Variants in SYAP1 observed in about 807,000 individuals in gnomAD.
SYAP1 encodes synapse-associated protein 1.
SYAP1 carries 3 observed loss-of-function variants against 29.6 expected under a neutral mutation model. The ratio of observed to expected loss-of-function variants is 0.10; its 90% CI spans 0.05 to 0.26. The LOEUF is 0.26. Among genes scored for constraint, SYAP1 ranks in the 10% least tolerant of loss-of-function variants. The pLI, the probability that SYAP1 is intolerant of heterozygous loss-of-function variation, is 1.00. For missense variants in SYAP1, 217 were observed against 264.1 expected (o/e 0.82, Z 1.24); for synonymous variants, 102 against 102.7 (o/e 0.99, Z 0.04).
At chrX:16,723,780 T>C (rs1297201365) in intron 1 of SYAP1, among the ~76,000 whole-genome samples, 1 of 112,065 alleles carries the variant, frequency 8.9e-6, no homozygotes, top group East Asian at 2.8e-4. Flanking sequence ...ATTTATGTTT[T>C]TTCTGACCTT....
rs1275157352 is a variant in SYAP1, at chrX:16,763,744, T to G, written c.*3385T>G. On this transcript the variant is annotated 3_prime_UTR_variant, in exon 9 of 9. Coordinates refer to ENST00000380155, the MANE Select transcript of SYAP1 (RefSeq NM_032796.4). ...CTCCCAGTGATTTAAGATGCACTAT[T>G]GTAATCAAGATGATTTGCTTTAATC... 1 of 112,169 alleles carries G rather than the reference T, an allele frequency of 8.9e-6. No individual in the cohort carries two copies. The highest frequency in any genetic ancestry group is 1.9e-5 in the Non-Finnish European group (1 of 53,333). 9.2% of individuals were successfully genotyped at this position (112,169 alleles called of 1,213,427 possible).
At chrX:16,751,657 T>A (rs987871654) in intron 5 of SYAP1, among the ~76,000 whole-genome samples, 1 of 108,819 alleles carries the variant, frequency 9.2e-6, no homozygotes. Context: ...GTATATGTGC[T>A]TTTTTAATGC....
intron 1 of SYAP1, among the ~76,000 whole-genome samples, chrX:16,731,848 G>A (rs1926210663): frequency 9.1e-6 from 1 of 110,491 alleles, no homozygotes; most frequent in Non-Finnish European, 1.9e-5. Context: ...GCTGAGGCAG[G>A]AAAATCACTT....
chrX:16,738,365 C>T (rs1240835905), intron 3 of SYAP1, among the ~76,000 whole-genome samples: 2 of 111,294 alleles, frequency 1.8e-5, no homozygotes, highest in Admixed American at 1.9e-4. Flanking sequence ...CAGTGAACCG[C>T]GATTGTGCCG....
At chrX:16,735,132 C>T in intron 1 of SYAP1, 95 bp from the exon 2 acceptor site, 1 of 492,385 alleles carries the variant, frequency 2.0e-6, no homozygotes, top group East Asian at 4.1e-5. Context: ...TCCTTATGAA[C>T]AAGGAACATG....
chrX:16,731,248 A>C (rs1281754096), intron 1 of SYAP1, among the ~76,000 whole-genome samples: 1 of 112,238 alleles, frequency 8.9e-6, no homozygotes, highest in Non-Finnish European at 1.9e-5. Context: ...TATTTAATAT[A>C]ACTTTAGATT....
At chrX:16,748,776 A>T in intron 5 of SYAP1, among the ~76,000 whole-genome samples, 1 of 102,631 alleles carries the variant, frequency 9.7e-6, no homozygotes, top group Non-Finnish European at 2.0e-5. Context: ...TTTTTTTGAG[A>T]CAGAGTCTCG....
chrX:16,739,888 T>C (rs1464691517), intron 3 of SYAP1, among the ~76,000 whole-genome samples: 1 of 111,513 alleles, frequency 9.0e-6, no homozygotes, highest in Non-Finnish European at 1.9e-5. Flanking sequence ...TTGTGACTTC[T>C]GCTTCCCATC....
intron 1 of SYAP1, among the ~76,000 whole-genome samples, chrX:16,723,600 C>T (rs1486375640): frequency 9.0e-6 from 1 of 111,671 alleles, no homozygotes; most frequent in African/African-American, 3.3e-5. Context: ...TCCATTCCCA[C>T]ACTAAGATGC....
chrX:16,759,934 T>C (rs1926944014), intron 8 of SYAP1, among the ~76,000 whole-genome samples: 1 of 112,617 alleles, frequency 8.9e-6, no homozygotes, highest in Non-Finnish European at 1.9e-5. Context: ...AATTATCATT[T>C]ACCCATTTAA....
At chrX:16,734,476 A>G (rs748136885) in intron 1 of SYAP1, among the ~76,000 whole-genome samples, 92 of 110,498 alleles carry the variant, frequency 8.3e-4, no homozygotes, top group Non-Finnish European at 9.2e-4. Context: ...ATCATGGGAC[A>G]TGTTAATTTG....
In SYAP1 at chrX:16,761,794, A is replaced by G. The variant is rs1008757096; in HGVS notation, c.*1435A>G. 1.8e-5 allele frequency: 2 copies of G among 112,614 alleles called. No individual in the cohort carries two copies. The highest frequency in any genetic ancestry group is 1.9e-4 in the Admixed American group (2 of 10,525). 9.3% of individuals were successfully genotyped at this position (112,614 alleles called of 1,213,427 possible). On this transcript the variant is annotated 3_prime_UTR_variant, in exon 9 of 9. Transcript: ENST00000380155. ...ATGTTTTTCAAGAAGCCTTTATTAC[A>G]TAAAGGGGAATAGAATTAAAATGTT...
intron 1 of SYAP1, among the ~76,000 whole-genome samples, chrX:16,729,910 T>G (rs1257887047): frequency 8.9e-6 from 1 of 112,465 alleles, no homozygotes; most frequent in Non-Finnish European, 1.9e-5. Context: ...ACCTTCATCT[T>G]TATTTTATCC....
rs146772244 is a variant in SYAP1, at chrX:16,753,503, A to G, written c.576-1442A>G. On this transcript the variant is annotated intron_variant, in intron 5 of 8. Transcript: ENST00000380155. ...TCTAACTCATCCCCATCATTTCTTC[A>G]CACGTTTCCTTGCTTTCTGGCACAA... Among the ~76,000 whole-genome samples the G allele has an allele frequency of 2.7e-5, 3 of 111,758 alleles. No individual in the cohort carries two copies. The East Asian group carries it at 8.5e-4, about 32-fold the overall frequency.
At chrX:16,724,262 G>A (rs1926033565) in intron 1 of SYAP1, among the ~76,000 whole-genome samples, 1 of 112,071 alleles carries the variant, frequency 8.9e-6, no homozygotes, top group African/African-American at 3.2e-5. Flanking sequence ...GTGAGATGCT[G>A]TCTTCCAGGG....
intron 6 of SYAP1, among the ~76,000 whole-genome samples, chrX:16,755,618 GTCT>G (rs769960561): frequency 2.7e-5 from 3 of 110,858 alleles, no homozygotes; most frequent in African/African-American, 9.8e-5. Context: ...AGTGTGTGTA[GTCT>G]GTAGAGCAGA....
rs767020950 is a variant in SYAP1 at position 16,741,676 on chromosome X, T to C, written c.362-40T>C. The C allele has an allele frequency of 3.7e-6, 4 of 1,069,285 alleles. No homozygotes were observed. The East Asian group carries it at 1.2e-4, about 33-fold the overall frequency. 88.1% of individuals were successfully genotyped at this position (1,069,285 alleles called of 1,213,427 possible). A position where few individuals can be genotyped will look rare whatever the true frequency, so the allele number is the denominator to read the frequency against. On this transcript the variant is annotated intron_variant, in intron 3 of 8. Transcript: ENST00000380155. ...ACTGCAGTGTAACCATCATGACCTA[T>C]TTTTTTCTCTTTTCTTCTTTGCCAT...
chrX:16,752,364 G>GATTATTATT (rs202245644), intron 5 of SYAP1, among the ~76,000 whole-genome samples: 285 of 96,118 alleles, frequency 3.0e-3, no homozygotes, highest in South Asian at 4.7e-3. Context: ...GTTATCAATG[G>GATTATTATT]ATTATTATTA....
At chrX:16,739,071 A>G (rs1008347879) in intron 3 of SYAP1, among the ~76,000 whole-genome samples, 1 of 111,538 alleles carries the variant, frequency 9.0e-6, no homozygotes, top group African/African-American at 3.3e-5. Context: ...CTGAGCATAA[A>G]TAGCACCAGG....
Sources: allele counts gnomAD v4.1 joint callset (sites outside exome capture counted in the v4.1 genomes callset), GRCh38; gene constraint gnomAD v4.1.1; transcripts MANE v1.5; gene names NCBI Gene and HGNC (gene_info 2026-07-23, HGNC 2026-07-21).